Variants in RUNDC1 observed in about 807,000 individuals in gnomAD.
RUNDC1 encodes the protein RUN domain containing 1, also known as RUN domain-containing protein 1.
In RUNDC1, 31 loss-of-function variants were observed where a neutral mutation model predicts 49.3. The ratio of observed to expected loss-of-function variants is 0.63; its 90% CI spans 0.47 to 0.85. The LOEUF is 0.85. Among genes scored for constraint, RUNDC1 ranks in the 40% least tolerant of loss-of-function variants. RUNDC1 has a pLI of 0.00. For missense variants in RUNDC1, 715 were observed against 806.7 expected (o/e 0.89, Z 1.38); for synonymous variants, 347 against 348.6 (o/e 1.00, Z 0.05).
chr17:42,990,896 T>A lies in RUNDC1; in HGVS notation c.1022T>A (p.Leu341Gln). The A allele has an allele frequency of 6.2e-7, 1 of 1,608,422 alleles. No homozygotes were observed. The highest frequency in any genetic ancestry group is 8.5e-7 in the Non-Finnish European group (1 of 1,175,596). Reference sequence around the variant, plus strand: ...AAAGTCCGGGAGACGGGGCTGCACCTGATGCGGCGAGCGCTGGCCGTGCTC... The same window carrying A: ...AAAGTCCGGGAGACGGGGCTGCACCAGATGCGGCGAGCGCTGGCCGTGCTC... Reference protein sequence around the residue: ...VKKVRETGLHLMRRALAVLQI... With the variant: ...VKKVRETGLHQMRRALAVLQI... Residue 341 changes from leucine to glutamine, a missense_variant, in exon 5 of 5, where the codon CTG becomes CAG. Around this residue, in one of 5 missense-constraint regions of RUNDC1, gnomAD observed 425 missense variants for 499.7 expected, o/e 0.85. Transcript: ENST00000361677.
rs1174781955 is a variant in RUNDC1 at position 42,993,463 on chromosome 17, G to T, written c.*1747G>T. Reference sequence around the variant, plus strand: ...TAACTTAAATTTTTTCCAGCAACATGTTACTTATTTAAGATACATTACTGA... The same window carrying T: ...TAACTTAAATTTTTTCCAGCAACATTTTACTTATTTAAGATACATTACTGA... On this transcript the variant is annotated 3_prime_UTR_variant, in exon 5 of 5. Transcript: ENST00000361677. 1 of 152,132 alleles carries T rather than the reference G, an allele frequency of 6.6e-6. No individual in the cohort carries two copies. Among genetic ancestry groups the T allele is most frequent in the East Asian group, 1.9e-4 (1 of 5,200 alleles). 9.4% of individuals were successfully genotyped at this position (152,132 alleles called of 1,614,324 possible).
chr17:42,986,536 C>T (rs1451109029), intron 1 of RUNDC1, among the ~76,000 whole-genome samples: 2 of 151,944 alleles, frequency 1.3e-5, no homozygotes, highest in African/African-American at 2.4e-5. Context: ...CTCGCTCTGT[C>T]ACCAAGGCTG....
rs1015920007 is a variant in RUNDC1 at position 42,989,277 on chromosome 17, T to C, written c.658-64T>C. The stretch of plus-strand genomic sequence containing the variant: ...TTAAGGACAGAAGACATTTTTAGAT[T>C]CTCCTTCCTAACCCTCTCCCTAAAA... On this transcript the variant is annotated intron_variant, in intron 2 of 4. Coordinates refer to ENST00000361677, the MANE Select transcript of RUNDC1 (RefSeq NM_173079.5). 38 of 1,240,584 alleles carry C rather than the reference T, an allele frequency of 3.1e-5. No individual in the cohort carries two copies. The African/African-American group carries it at 4.9e-4, about 16-fold the overall frequency. 76.8% of individuals were successfully genotyped at this position (1,240,584 alleles called of 1,614,324 possible).
intron 2 of RUNDC1, 138 bp from the exon 3 acceptor site, chr17:42,989,203 G>A: frequency 4.7e-6 from 3 of 645,016 alleles, no homozygotes; most frequent in Non-Finnish European, 8.2e-6. Context: ...TCAATCAGCA[G>A]TTAAGTCATT....
At position 42,989,328 on chromosome 17, in the gene RUNDC1, G is replaced by A. The variant is rs372214187; in HGVS notation, c.658-13G>A. The A allele has an allele frequency of 1.6e-5, 25 of 1,609,638 alleles. No homozygotes were observed. The highest frequency in any genetic ancestry group is 2.2e-5 in the East Asian group (1 of 44,862). On this transcript the variant is annotated splice_polypyrimidine_tract_variant and intron_variant, in intron 2 of 4. Coordinates refer to ENST00000361677, the MANE Select transcript of RUNDC1 (RefSeq NM_173079.5). ...ATTCCAAAGGGTGTGCTCATTGCTT[G>A]TGATCTTGGTAGGTGATCATAGATG...
chr17:42,990,225 G>C, intron 3 of RUNDC1, 92 bp from the exon 4 acceptor site: 1 of 1,509,368 alleles, frequency 6.6e-7, no homozygotes, highest in Non-Finnish European at 8.9e-7. Flanking sequence ...TGAAATTCTT[G>C]TTTCTAATAG....
Position 42,980,788 on chromosome 17 carries a change from C to G in RUNDC1, c.212C>G (p.Ser71Cys), listed in dbSNP as rs2050066987. The change falls in exon 1 of 5, where the codon TCC becomes TGC. Residue 71 changes from serine (S) to cysteine (C), a missense_variant. This residue lies in a region of RUNDC1 where 153 missense variants were observed against 139.4 expected (regional missense o/e 1.10). Transcript: ENST00000361677. ...TAEEPGAAPGSPPDSPGRTLR... is the reference protein window; with the variant it reads ...TAEEPGAAPGCPPDSPGRTLR... ...GAGGAGCCTGGCGCGGCCCCGGGCTCCCCGCCGGATTCGCCGGGCCGGACG... is the reference window on the plus strand; with the variant it reads ...GAGGAGCCTGGCGCGGCCCCGGGCTGCCCGCCGGATTCGCCGGGCCGGACG... The G allele has an allele frequency of 7.1e-7, 1 of 1,416,742 alleles. No individual in the cohort carries two copies. The highest frequency in any genetic ancestry group is 9.1e-7 in the Non-Finnish European group (1 of 1,096,028). The allele number at this position is 1,416,742 out of a possible 1,614,324, so 87.8% of individuals were successfully genotyped here.
chr17:42,991,958 T>A lies in RUNDC1; in HGVS notation c.*242T>A. ...GGCCGGGCGCGGTGGCTCACACCTGTAATCCCAGCACTTTGGGAGGCCGAG... is the reference window on the plus strand; with the variant it reads ...GGCCGGGCGCGGTGGCTCACACCTGAAATCCCAGCACTTTGGGAGGCCGAG... On this transcript the variant is annotated 3_prime_UTR_variant, in exon 5 of 5. Coordinates refer to ENST00000361677, the MANE Select transcript of RUNDC1 (RefSeq NM_173079.5). The A allele has an allele frequency of 2.1e-6, 1 of 482,264 alleles. No homozygotes were observed. The highest frequency in any genetic ancestry group is 2.2e-5 in the South Asian group (1 of 45,204). The allele number at this position is 482,264 out of a possible 1,614,324, so 29.9% of individuals were successfully genotyped here. A position where few individuals can be genotyped will look rare whatever the true frequency, so the allele number is the denominator to read the frequency against.
chr17:42,990,817 C>A (rs1321868135), intron 4 of RUNDC1, 34 bp from the exon 5 acceptor site: 1 of 1,553,038 alleles, frequency 6.4e-7, no homozygotes, highest in East Asian at 2.3e-5. Flanking sequence ...CCATCATGGC[C>A]TCTCACTGAT....
At chr17:42,982,674 C>G (rs562557419) in intron 1 of RUNDC1, among the ~76,000 whole-genome samples, 16 of 152,100 alleles carry the variant, frequency 1.1e-4, no homozygotes, top group Middle Eastern at 3.4e-3. Flanking sequence ...TACTATGTAC[C>G]CATAAAAATT....
At position 42,985,690 on chromosome 17, in the gene RUNDC1, T is replaced by C. The variant is rs116275749; in HGVS notation, c.499-1566T>C. On this transcript the variant is annotated intron_variant, in intron 1 of 4. Coordinates refer to ENST00000361677, the MANE Select transcript of RUNDC1 (RefSeq NM_173079.5). ...CGTTTTAAGGTTAAATGTAATACGC[T>C]GTAGACTTCTAGTTTAAGACGCAGC... 4.3e-5 allele frequency: 42 copies of C among 982,992 alleles called. No homozygotes were observed. The African/African-American group carries it at 7.0e-4, about 16-fold the overall frequency. 60.9% of individuals were successfully genotyped at this position (982,992 alleles called of 1,614,324 possible). A position where few individuals can be genotyped will look rare whatever the true frequency, so the allele number is the denominator to read the frequency against.
rs995470501 is a variant in RUNDC1, at chr17:42,993,678, T to A, written c.*1962T>A. Reference sequence around the variant, plus strand: ...AGCCCATCTGATCCAGATCAATATTTTTTTGAAAACTGCCTGTATCCTCTG... The same window carrying A: ...AGCCCATCTGATCCAGATCAATATTATTTTGAAAACTGCCTGTATCCTCTG... On this transcript the variant is annotated 3_prime_UTR_variant, in exon 5 of 5. Coordinates refer to ENST00000361677, the MANE Select transcript of RUNDC1 (RefSeq NM_173079.5). 3.9e-5 allele frequency: 6 copies of A among 152,154 alleles called. No individual in the cohort carries two copies. Among genetic ancestry groups the A allele is most frequent in the African/African-American group, 1.4e-4 (6 of 41,440 alleles). 9.4% of individuals were successfully genotyped at this position (152,154 alleles called of 1,614,324 possible).
At chr17:42,985,117 C>T (rs2050154201) in intron 1 of RUNDC1, among the ~76,000 whole-genome samples, 1 of 151,986 alleles carries the variant, frequency 6.6e-6, no homozygotes, top group Non-Finnish European at 1.5e-5. Context: ...GAACTCCTGA[C>T]CTCAGGTGAT....
At chr17:42,989,296 C>A in intron 2 of RUNDC1, 45 bp from the exon 3 acceptor site, 1 of 1,453,476 alleles carries the variant, frequency 6.9e-7, no homozygotes, top group South Asian at 1.1e-5. Flanking sequence ...TAACCCTCTC[C>A]CTAAAAATTC....
rs1287157337 is a variant in RUNDC1, at chr17:42,991,787, G to A, written c.*71G>A. ...GATGTGCTAGTCTTCTAGCATAGGA[G>A]CAAGGAATCAGAGGTGGGGTTAAAG... On this transcript the variant is annotated 3_prime_UTR_variant, in exon 5 of 5. Coordinates refer to ENST00000361677, the MANE Select transcript of RUNDC1 (RefSeq NM_173079.5). 2.7e-6 allele frequency: 4 copies of A among 1,489,550 alleles called. No homozygotes were observed. The highest frequency in any genetic ancestry group is 3.6e-6 in the Non-Finnish European group (4 of 1,109,662). The allele number at this position is 1,489,550 out of a possible 1,614,324, so 92.3% of individuals were successfully genotyped here. A position where few individuals can be genotyped will look rare whatever the true frequency, so the allele number is the denominator to read the frequency against.
At chr17:42,984,287 T>G (rs1054522980) in intron 1 of RUNDC1, among the ~76,000 whole-genome samples, 8 of 150,428 alleles carry the variant, frequency 5.3e-5, no homozygotes, top group Non-Finnish European at 1.2e-4. Flanking sequence ...CCAGTTTTTT[T>G]TTTTTTTTTT....
chr17:42,989,572 C>A, intron 3 of RUNDC1, 33 bp downstream of exon 3: 1 of 1,569,786 alleles, frequency 6.4e-7, no homozygotes, highest in Non-Finnish European at 8.8e-7. Flanking sequence ...GAAGGGTGGA[C>A]AGGTGTCATA....
intron 1 of RUNDC1, among the ~76,000 whole-genome samples, chr17:42,985,075 C>CG (rs1352798266): frequency 6.6e-6 from 1 of 151,610 alleles, no homozygotes; most frequent in African/African-American, 2.4e-5. Flanking sequence ...TTTGTAGAGA[C>CG]GGGGTTCCAC....
intron 1 of RUNDC1, among the ~76,000 whole-genome samples, chr17:42,982,420 C>T (rs2050112475): frequency 6.6e-6 from 1 of 152,130 alleles, no homozygotes; most frequent in East Asian, 1.9e-4. Context: ...CCAGTGCAAT[C>T]CTGTGTTTAC....
Sources: gnomAD v4.1 joint callset for allele counts (sites outside exome capture counted in the v4.1 genomes callset) on GRCh38, gnomAD v4.1.1 for gene constraint, gnomAD v4.1.1 regional missense constraint, MANE v1.5 for transcripts, NCBI Gene and HGNC (gene_info 2026-07-23, HGNC 2026-07-21) for gene names.